The following CREB5 variants were observed in gnomAD, a reference collection of about 807,000 sequenced individuals.
The protein encoded by CREB5 is cyclic AMP-responsive element-binding protein 5.
A neutral mutation model predicts 57.1 loss-of-function variants in CREB5; 19 were observed. The observed-to-expected ratio is 0.33, with a 90% CI of 0.23 to 0.49. The LOEUF (loss-of-function observed/expected upper bound fraction) is 0.49, where lower values mean the gene tolerates loss of function less well. Among genes scored for constraint, CREB5 ranks in the 20% least tolerant of loss-of-function variants. The pLI is 0.99. For synonymous variants in CREB5, 238 were observed against 238.3 expected (o/e 1.00, Z 0.01); for missense variants, 579 against 671.6 (o/e 0.86, Z 1.52).
intron 1 of CREB5, among the ~76,000 whole-genome samples, chr7:28,316,830 T>C (rs189797150): frequency 6.6e-6 from 1 of 152,180 alleles, no homozygotes; most frequent in East Asian, 1.9e-4. Flanking sequence ...AGAATGTATA[T>C]GGTACATGGC....
chr7:28,632,800 C>T (rs149751101), intron 5 of CREB5, among the ~76,000 whole-genome samples: 138 of 152,308 alleles, frequency 9.1e-4, no homozygotes, highest in Middle Eastern at 3.4e-3. Flanking sequence ...TCATTGTTTT[C>T]CTCACAGCAT....
At chr7:28,817,678 T>C (rs982139347) in intron 9 of CREB5, among the ~76,000 whole-genome samples, 1 of 152,178 alleles carries the variant, frequency 6.6e-6, no homozygotes, top group Non-Finnish European at 1.5e-5. Context: ...TTAATCCTCA[T>C]AGTAACACAA....
chr7:28,592,556 A>G (rs962439850), intron 5 of CREB5, among the ~76,000 whole-genome samples: 1 of 152,156 alleles, frequency 6.6e-6, no homozygotes, highest in Non-Finnish European at 1.5e-5. Context: ...TAGTGGCTCT[A>G]CATCACCCCC....
chr7:28,626,479 C>T (rs1165566684), intron 5 of CREB5, among the ~76,000 whole-genome samples: 1 of 152,100 alleles, frequency 6.6e-6, no homozygotes, highest in Non-Finnish European at 1.5e-5. Context: ...AAAACCAAGA[C>T]CTGAGAGGTT....
intron 7 of CREB5, among the ~76,000 whole-genome samples, chr7:28,784,349 T>A (rs1807181463): frequency 6.6e-6 from 1 of 151,870 alleles, no homozygotes; most frequent in African/African-American, 2.4e-5. Flanking sequence ...CTCTTTTTTT[T>A]TTAACAGCCA....
chr7:28,727,053 CT>C (rs1370119975), intron 7 of CREB5, among the ~76,000 whole-genome samples: 1 of 151,444 alleles, frequency 6.6e-6, no homozygotes, highest in Non-Finnish European at 1.5e-5. Flanking sequence ...AACCCAGTGC[CT>C]TTATCAAGTT....
intron 5 of CREB5, among the ~76,000 whole-genome samples, chr7:28,666,760 G>A (rs1258845201): frequency 1.3e-5 from 2 of 151,844 alleles, no homozygotes; most frequent in African/African-American, 4.8e-5. Context: ...CTGAGCCTAG[G>A]AGTTCAAGAC....
intron 1 of CREB5, among the ~76,000 whole-genome samples, chr7:28,423,487 A>C (rs1433719498): frequency 6.6e-6 from 1 of 152,154 alleles, no homozygotes; most frequent in Non-Finnish European, 1.5e-5. Flanking sequence ...TGGGGGCTTG[A>C]GTTATGATGG....
chr7:28,399,929 G>C lies in CREB5; in HGVS notation c.-24-94977G>C, dbSNP rs1479486502. Among the ~76,000 whole-genome samples the C allele has an allele frequency of 3.3e-5, 5 of 151,978 alleles. 1 individual carries two copies. The highest frequency in any genetic ancestry group is 1.2e-4 in the African/African-American group (5 of 41,386). ...AAAAATTAGCTGGGCGTGGTGGCAGGTGCCTGTAATCCCAGGTACTCGGGA... is the reference window on the plus strand; with the variant it reads ...AAAAATTAGCTGGGCGTGGTGGCAGCTGCCTGTAATCCCAGGTACTCGGGA... On this transcript the variant is annotated intron_variant, in intron 1 of 9. Transcript: ENST00000396299.
chr7:28,531,753 G>A (rs774205535), intron 4 of CREB5, among the ~76,000 whole-genome samples: 9 of 152,158 alleles, frequency 5.9e-5, no homozygotes, highest in South Asian at 2.1e-4. Flanking sequence ...GAGGCTAGCC[G>A]GGCGTGGGGG....
intron 1 of CREB5, among the ~76,000 whole-genome samples, chr7:28,439,758 G>A (rs777593973): frequency 1.2e-4 from 19 of 152,166 alleles, no homozygotes; most frequent in Admixed American, 7.2e-4. Flanking sequence ...ATTGGAGTTA[G>A]CACTTCAGTT....
At chr7:28,633,707 T>C (rs1583452830) in intron 5 of CREB5, among the ~76,000 whole-genome samples, 1 of 152,018 alleles carries the variant, frequency 6.6e-6, no homozygotes, top group African/African-American at 2.4e-5. Flanking sequence ...GGGGGTGGGG[T>C]TCATGGTAGA....
At position 28,761,196 on chromosome 7, in the gene CREB5, C is replaced by T. The variant is rs572080845; in HGVS notation, c.702+36864C>T. Among the ~76,000 whole-genome samples the T allele has an allele frequency of 2.5e-3, 375 of 152,214 alleles. 1 individual carries two copies. The highest frequency in any genetic ancestry group is 3.9e-3 in the Non-Finnish European group (263 of 68,008). On this transcript the variant is annotated intron_variant, in intron 7 of 10. Transcript: ENST00000357727. ...AATTGTAAATAAATGAGCATATGCC[C>T]AATGATCCCAAGTTTAAGGGGAGAG...
intron 1 of CREB5, among the ~76,000 whole-genome samples, chr7:28,382,972 A>C (rs2127996275): frequency 6.6e-6 from 1 of 152,336 alleles, no homozygotes; most frequent in East Asian, 1.9e-4. Flanking sequence ...ACAAGGCTAC[A>C]TTCTATGTAG....
At chr7:28,570,811 C>A (rs1275835061) in intron 5 of CREB5, among the ~76,000 whole-genome samples, 1 of 151,938 alleles carries the variant, frequency 6.6e-6, no homozygotes, top group Non-Finnish European at 1.5e-5. Flanking sequence ...TTTAAGATGA[C>A]TGTGGGAAAA....
chr7:28,805,162 A>C (rs912849667), intron 8 of CREB5, among the ~76,000 whole-genome samples: 2 of 152,202 alleles, frequency 1.3e-5, no homozygotes, highest in African/African-American at 4.8e-5. Context: ...AGTTCTGTAG[A>C]TGATCAGACC....
At chr7:28,376,458 C>G (rs191545889) in intron 1 of CREB5, among the ~76,000 whole-genome samples, 2 of 151,910 alleles carry the variant, frequency 1.3e-5, no homozygotes, top group African/African-American at 2.4e-5. Flanking sequence ...TTAGTAGAGA[C>G]GAAGTTTCGC....
rs144211179 is a variant in CREB5, at chr7:28,598,292, G to A, written c.464+27755G>A. Among the ~76,000 whole-genome samples, 246 of 152,128 alleles carry A rather than the reference G, an allele frequency of 1.6e-3. 2 individuals are homozygous for A. In the East Asian group the frequency reaches 0.036, roughly 22 times the overall value. ...TGCAAGAAGTGCTTTTTCACCTTCC[G>A]CCATGATCCCCAGCCAGGTGGAACT... On this transcript the variant is annotated intron_variant, in intron 5 of 10. Transcript: ENST00000357727.
chr7:28,377,752 C>A (rs1432981235), intron 1 of CREB5, among the ~76,000 whole-genome samples: 1 of 146,130 alleles, frequency 6.8e-6, no homozygotes, highest in Non-Finnish European at 1.5e-5. Flanking sequence ...CACGGTGAAA[C>A]CCCCGTCTCT....
Sources: allele counts gnomAD v4.1 joint callset (sites outside exome capture counted in the v4.1 genomes callset), GRCh38; gene constraint gnomAD v4.1.1; transcripts MANE v1.5; gene names NCBI Gene and HGNC (gene_info 2026-07-23, HGNC 2026-07-21).